Variants in ZMIZ1 observed in about 807,000 individuals in gnomAD.
ZMIZ1 encodes the protein zinc finger MIZ-type containing 1.
A neutral mutation model predicts 113.9 loss-of-function variants in ZMIZ1; 17 were observed. The observed-to-expected ratio is 0.15, with a 90% confidence interval of 0.10 to 0.22. ZMIZ1 has a LOEUF of 0.22. ZMIZ1 is among the 10% of genes least tolerant of loss of function. The probability of loss-of-function intolerance (pLI) is 1.00; values close to 1 mark genes in which losing one functional copy is unlikely to be tolerated. For missense variants in ZMIZ1, 1,059 were observed against 1,477.8 expected, an observed-to-expected ratio of 0.72 and a Z score of 4.65; for synonymous variants, 607 against 603.1, an observed-to-expected ratio of 1.01 and a Z score of -0.09.
intron 7 of ZMIZ1, among the ~76,000 whole-genome samples, chr10:79,259,225 C>T (rs540788720): frequency 2.4e-4 from 36 of 152,128 alleles, no homozygotes; most frequent in Non-Finnish European, 4.9e-4. Context: ...GTTATCTCTG[C>T]GTGGGGCAGG....
chr10:79,113,387 G>A (rs1025571195), intron 1 of ZMIZ1, among the ~76,000 whole-genome samples: 1 of 152,210 alleles, frequency 6.6e-6, no homozygotes, highest in African/African-American at 2.4e-5. Flanking sequence ...TCTGCCATGC[G>A]GGGGTGGAGG....
At chr10:79,269,456 AACACACACAC>A (rs55634343) in intron 7 of ZMIZ1, among the ~76,000 whole-genome samples, 12 of 138,470 alleles carry the variant, frequency 8.7e-5, no homozygotes, top group Admixed American at 4.3e-4. Flanking sequence ...ACCTCCCCCC[AACACACACAC>A]ACACACACAC....
At chr10:79,117,756 A>G (rs1404874450) in intron 1 of ZMIZ1, among the ~76,000 whole-genome samples, 1 of 152,066 alleles carries the variant, frequency 6.6e-6, no homozygotes, top group East Asian at 1.9e-4. Context: ...CTTTACAAAG[A>G]CCCAGCTGAA....
chr10:79,178,688 C>T (rs1846975715), intron 4 of ZMIZ1, among the ~76,000 whole-genome samples: 1 of 152,208 alleles, frequency 6.6e-6, no homozygotes, highest in African/African-American at 2.4e-5. Context: ...TGCCCCACCC[C>T]TCCCCCACCC....
intron 13 of ZMIZ1, chr10:79,297,017 T>C (rs1325159020): frequency 5.2e-6 from 1 of 193,552 alleles, no homozygotes; most frequent in Non-Finnish European, 1.0e-5. Flanking sequence ...TGTTATAAAA[T>C]TGTTATTACA....
intron 7 of ZMIZ1, among the ~76,000 whole-genome samples, chr10:79,275,954 G>A (rs1002492713): frequency 6.6e-6 from 1 of 152,208 alleles, no homozygotes; most frequent in Non-Finnish European, 1.5e-5. Context: ...ATGTGGAGTC[G>A]GCTTTGCACC....
chr10:79,307,368 G>A (rs776193438), intron 22 of ZMIZ1, 37 bp from the exon 23 acceptor site: 2 of 1,601,806 alleles, frequency 1.2e-6, no homozygotes, highest in East Asian at 4.5e-5. Flanking sequence ...TATCCCTCTG[G>A]GTGACCCCCT....
chr10:79,083,465 G>A (rs570620439), intron 1 of ZMIZ1, among the ~76,000 whole-genome samples: 1 of 152,314 alleles, frequency 6.6e-6, no homozygotes, highest in Non-Finnish European at 1.5e-5. Context: ...GGGACCAGGT[G>A]ATAAGGGACA....
At chr10:79,242,968 G>C (rs1346451848) in intron 7 of ZMIZ1, among the ~76,000 whole-genome samples, 3 of 150,902 alleles carry the variant, frequency 2.0e-5, no homozygotes, top group Non-Finnish European at 3.0e-5. Flanking sequence ...CTGCGCGCGC[G>C]AGTGAGTGCG....
intron 3 of ZMIZ1, among the ~76,000 whole-genome samples, chr10:79,142,282 G>A (rs1845303883): frequency 6.6e-6 from 1 of 152,218 alleles, no homozygotes; most frequent in East Asian, 1.9e-4. Flanking sequence ...CCAGACTAGA[G>A]ATATAAATTT....
rs550500264 is a variant in ZMIZ1 at position 79,234,153 on chromosome 10, C to T, written c.280+17879C>T. On this transcript the variant is annotated intron_variant, in intron 7 of 24. Coordinates refer to ENST00000334512, the MANE Select transcript of ZMIZ1 (RefSeq NM_020338.4). The stretch of plus-strand genomic sequence containing the variant: ...AGGGATGACATGGTCAGATTTGCCT[C>T]AGCAGGTAGAGGAGGGACTTGGGTG... Among the ~76,000 whole-genome samples, 4 of 152,308 alleles carry T rather than the reference C, an allele frequency of 2.6e-5. No individual in the cohort carries two copies. In the South Asian group the frequency reaches 8.3e-4, roughly 32 times the overall value.
At chr10:79,236,124 T>G (rs1174494260) in intron 7 of ZMIZ1, among the ~76,000 whole-genome samples, 1 of 152,048 alleles carries the variant, frequency 6.6e-6, no homozygotes, top group Non-Finnish European at 1.5e-5. Context: ...GCACGATGGG[T>G]CCGATGGTGG....
At chr10:79,239,841 C>T (rs1430058163) in intron 7 of ZMIZ1, among the ~76,000 whole-genome samples, 1 of 152,166 alleles carries the variant, frequency 6.6e-6, no homozygotes, top group Non-Finnish European at 1.5e-5. Flanking sequence ...CAGGGGAGCC[C>T]TGGAGAAGGC....
At chr10:79,298,926 G>T in intron 15 of ZMIZ1, 124 bp from the exon 16 acceptor site, 1 of 1,297,204 alleles carries the variant, frequency 7.7e-7, no homozygotes, top group African/African-American at 1.5e-5. Flanking sequence ...TATGTCTCTG[G>T]CCCTGTTTAC....
intron 1 of ZMIZ1, among the ~76,000 whole-genome samples, chr10:79,073,287 TC>T (rs1362424192): frequency 5.3e-5 from 8 of 152,172 alleles, no homozygotes; most frequent in African/African-American, 1.9e-4. Flanking sequence ...TAGGCATGTG[TC>T]CCTTGAAGGC....
rs2802372 is a variant in ZMIZ1 at position 79,287,818 on chromosome 10, A to T, written c.426-1957A>T. 2.6e-5 allele frequency among the ~76,000 whole-genome samples: 4 copies of T among 152,072 alleles called. No individual in the cohort carries two copies. The South Asian group carries it at 8.3e-4, about 32-fold the overall frequency. On this transcript the variant is annotated intron_variant, in intron 8 of 24. Transcript: ENST00000334512. The stretch of plus-strand genomic sequence containing the variant: ...ATTTTACAGATGAGGAGATTGAGTG[A>T]GGAAACTTGCACCAGGGTCCTAAGC...
chr10:79,267,134 G>T (rs906254950), intron 7 of ZMIZ1, among the ~76,000 whole-genome samples: 49 of 152,348 alleles, frequency 3.2e-4, no homozygotes, highest in African/African-American at 1.2e-3. Context: ...TGAGAGCAGA[G>T]TCAGAAATGA....
At chr10:79,111,402 GC>G (rs1843732005) in intron 1 of ZMIZ1, among the ~76,000 whole-genome samples, 1 of 152,244 alleles carries the variant, frequency 6.6e-6, no homozygotes, top group Non-Finnish European at 1.5e-5. Context: ...AAGTGTGTGG[GC>G]AAAAGTTTGG....
chr10:79,205,461 C>T (rs1397808789), intron 5 of ZMIZ1, among the ~76,000 whole-genome samples: 1 of 152,212 alleles, frequency 6.6e-6, no homozygotes, highest in East Asian at 1.9e-4. Flanking sequence ...CAGAGGTGAA[C>T]AGGAGGCTGT....
Sources: allele counts gnomAD v4.1 joint callset (sites outside exome capture counted in the v4.1 genomes callset), GRCh38; gene constraint gnomAD v4.1.1; transcripts MANE v1.5; gene names NCBI Gene and HGNC (gene_info 2026-07-23, HGNC 2026-07-21).